Variants in SMARCB1 observed in about 807,000 individuals in gnomAD.
SMARCB1 encodes the protein SWI/SNF related BAF chromatin remodeling complex subunit B1, also known as SWI/SNF-related matrix-associated actin-dependent regulator of chromatin subfamily B member 1.
A neutral mutation model predicts 49.0 loss-of-function variants in SMARCB1; 5 were observed. The ratio of observed to expected loss-of-function variants is 0.10; its 90% confidence interval spans 0.05 to 0.21. The LOEUF (loss-of-function observed/expected upper bound fraction) is 0.21. SMARCB1 is among the 10% of genes least tolerant of loss of function. The pLI is 1.00. For missense variants in SMARCB1, 226 were observed against 509.2 expected (o/e 0.44, Z 5.35); for synonymous variants, 201 against 200.1 (o/e 1.00, Z -0.04).
intron 7 of SMARCB1, among the ~76,000 whole-genome samples, chr22:23,831,941 C>T (rs1047456029): frequency 2.0e-5 from 3 of 152,210 alleles, no homozygotes; most frequent in South Asian, 2.1e-4. Flanking sequence ...CCTGCCTCTG[C>T]GTCACCAGTA....
chr22:23,795,303 T>TAACAGGCTA, intron 3 of SMARCB1, among the ~76,000 whole-genome samples: 1 of 152,068 alleles, frequency 6.6e-6, no homozygotes, highest in East Asian at 1.9e-4. Flanking sequence ...CTGAGTGTGG[T>TAACAGGCTA]GATCACACCA....
At chr22:23,797,291 C>T (rs1345421077) in intron 3 of SMARCB1, among the ~76,000 whole-genome samples, 1 of 144,982 alleles carries the variant, frequency 6.9e-6, no homozygotes, top group Non-Finnish European at 1.5e-5. Context: ...AGCCACCGGG[C>T]CTGGCCTGTT....
At chr22:23,804,947 C>T (rs962359537) in intron 5 of SMARCB1, among the ~76,000 whole-genome samples, 2 of 152,200 alleles carry the variant, frequency 1.3e-5, no homozygotes, top group Admixed American at 1.3e-4. Flanking sequence ...CAGCAGATAA[C>T]GTAGTTGCAG....
In SMARCB1 at chr22:23,822,957, C is replaced by CTTTT. The variant is rs58056758; in HGVS notation, c.796-2230_796-2227dup. Among the ~76,000 whole-genome samples, 136 of 72,762 alleles carry CTTTT rather than the reference C, an allele frequency of 1.9e-3. 29 individuals are homozygous for CTTTT. Among genetic ancestry groups the CTTTT allele is most frequent in the Admixed American group, 2.4e-3 (12 of 4,982 alleles). The allele number at this position is 72,762 out of a possible 152,430, so 47.7% of individuals were successfully genotyped here. A position where few individuals can be genotyped will look rare whatever the true frequency, so the allele number is the denominator to read the frequency against. ...TCTGTCAGTGCCCCCACCAGCATAGCTTTTTTTTTTTTTTTTTTTTTTTTT... is the reference window on the plus strand; with the variant it reads ...TCTGTCAGTGCCCCCACCAGCATAGCTTTTTTTTTTTTTTTTTTTTTTTTTTTTT... On this transcript the variant is annotated intron_variant, in intron 6 of 8. Transcript: ENST00000644036.
At chr22:23,788,421 T>C (rs1928151946) in intron 1 of SMARCB1, among the ~76,000 whole-genome samples, 2 of 152,128 alleles carry the variant, frequency 1.3e-5, no homozygotes, top group South Asian at 4.1e-4. Flanking sequence ...TATTCGTACT[T>C]TATTTTCTTT....
chr22:23,833,740 G>A (rs780821196), intron 8 of SMARCB1, 37 bp downstream of exon 8: 1 of 1,612,522 alleles, frequency 6.2e-7, no homozygotes, highest in Non-Finnish European at 8.5e-7. Context: ...TCTGCCCACA[G>A]GCACCTGGCT....
At chr22:23,810,599 AAAG>A (rs1269846758) in intron 5 of SMARCB1, among the ~76,000 whole-genome samples, 1 of 151,872 alleles carries the variant, frequency 6.6e-6, no homozygotes, top group Non-Finnish European at 1.5e-5. Context: ...GGAAGGAACA[AAAG>A]AAAGCATGAT....
At position 23,791,479 on chromosome 22, in the gene SMARCB1, C is replaced by T. The variant is rs117171366; in HGVS notation, c.94-277C>T. Among the ~76,000 whole-genome samples the T allele has an allele frequency of 2.3e-4, 35 of 152,380 alleles. No individual in the cohort carries two copies. In the East Asian group the frequency reaches 5.2e-3, roughly 23 times the overall value. The stretch of plus-strand genomic sequence containing the variant: ...CCTTAGTCCAAAATCAAAATCACCA[C>T]GAACTTCTTGCTAAGCTCTGGGGGC... On this transcript the variant is annotated intron_variant, in intron 1 of 8. Coordinates refer to ENST00000644036, the MANE Select transcript of SMARCB1 (RefSeq NM_003073.5).
In SMARCB1 at chr22:23,837,302, C is replaced by T. The variant is rs1270705666; in HGVS notation, c.*3122C>T. The T allele has an allele frequency of 9.4e-7, 1 of 1,060,572 alleles. No homozygotes were observed. Among genetic ancestry groups the T allele is most frequent in the Non-Finnish European group, 1.4e-6 (1 of 728,050 alleles). The allele number at this position is 1,060,572 out of a possible 1,614,324, so 65.7% of individuals were successfully genotyped here. ...CAAAGCCTTGCACAGAGTGCCAGCC[C>T]CGGGTTGGCCGTGAAGGACAAGCTT... On this transcript the variant is annotated 3_prime_UTR_variant, in exon 9 of 9. Transcript: ENST00000644036.
Position 23,837,551 on chromosome 22 carries a change from G to A in SMARCB1, c.*3371G>A. 8.6e-7 allele frequency: 1 copy of A among 1,165,878 alleles called. No homozygotes were observed. The highest frequency in any genetic ancestry group is 1.2e-6 in the Non-Finnish European group (1 of 824,058). 72.2% of individuals were successfully genotyped at this position (1,165,878 alleles called of 1,614,324 possible). On this transcript the variant is annotated 3_prime_UTR_variant, in exon 9 of 9. Coordinates refer to ENST00000644036, the MANE Select transcript of SMARCB1 (RefSeq NM_003073.5). ...GGCAGGAAGATGGGGATGGAGCCAG[G>A]TGTGAGGAGAACTCCAGCAAGGATG...
Position 23,827,243 on chromosome 22 carries a change from T to A in SMARCB1, c.986+1828T>A, listed in dbSNP as rs574877665. Reference sequence around the variant, plus strand: ...CCCTACGGTGTTGACCTTCACCTAGTCCTGCAGCCGCTGCCAGTGCCCACA... The same window carrying A: ...CCCTACGGTGTTGACCTTCACCTAGACCTGCAGCCGCTGCCAGTGCCCACA... On this transcript the variant is annotated intron_variant, in intron 7 of 8. Transcript: ENST00000644036. Among the ~76,000 whole-genome samples the A allele has an allele frequency of 2.0e-4, 30 of 152,320 alleles. 1 individual carries two copies. In the South Asian group the frequency reaches 5.6e-3, roughly 28 times the overall value.
At chr22:23,819,457 T>C (rs1386859331) in intron 6 of SMARCB1, among the ~76,000 whole-genome samples, 3 of 152,142 alleles carry the variant, frequency 2.0e-5, no homozygotes, top group African/African-American at 7.2e-5. Flanking sequence ...GCTTCCTGAG[T>C]AGCTGGGATT....
rs2030903737 is a variant in SMARCB1 at position 23,834,785 on chromosome 22, G to GCCTTT, written c.*607_*611dup. On this transcript the variant is annotated 3_prime_UTR_variant, in exon 9 of 9. Transcript: ENST00000644036. ...TGAGGCTCAGGGCAAGAGGCTCTCT[G>GCCTTT]CCTTTCAGGAACAGCCCTAACCCTG... 3.2e-6 allele frequency: 5 copies of GCCTTT among 1,580,842 alleles called. No homozygotes were observed. Among genetic ancestry groups the GCCTTT allele is most frequent in the Non-Finnish European group, 4.3e-6 (5 of 1,165,208 alleles).
chr22:23,816,943 G>A lies in SMARCB1; in HGVS notation c.795+7G>A, dbSNP rs1341204182. 6.2e-7 allele frequency: 1 copy of A among 1,613,146 alleles called. No individual in the cohort carries two copies. The highest frequency in any genetic ancestry group is 1.1e-5 in the South Asian group (1 of 91,080). ...CCAGCGCGTCATCATCAAGGTAGGT[G>A]ACTTCTCACCCAGCACTGGAGCCTT... On this transcript the variant is annotated splice_region_variant and intron_variant, in intron 6 of 8. Transcript: ENST00000644036.
rs183905122 is a variant in SMARCB1 at position 23,809,686 on chromosome 22, T to C, written c.628+6264T>C. Among the ~76,000 whole-genome samples the C allele has an allele frequency of 7.7e-3, 1,153 of 149,928 alleles. 19 individuals carry two copies. The highest frequency in any genetic ancestry group is 0.025 in the African/African-American group (1,027 of 40,736). Reference sequence around the variant, plus strand: ...TTGGCCTCCCAAAGTGCTGGGATTATAGGCATGAGCCACCGCGCCCAGCCG... The same window carrying C: ...TTGGCCTCCCAAAGTGCTGGGATTACAGGCATGAGCCACCGCGCCCAGCCG... On this transcript the variant is annotated intron_variant, in intron 5 of 8. Coordinates refer to ENST00000644036, the MANE Select transcript of SMARCB1 (RefSeq NM_003073.5).
intron 4 of SMARCB1, 130 bp downstream of exon 4, chr22:23,801,211 C>G (rs1929134228): frequency 7.7e-7 from 1 of 1,293,654 alleles, no homozygotes; most frequent in Non-Finnish European, 1.1e-6. Flanking sequence ...ACAGTACCTC[C>G]TCGCCTTTGA....
chr22:23,812,673 T>C (rs1435280460), intron 5 of SMARCB1, among the ~76,000 whole-genome samples: 4 of 152,134 alleles, frequency 2.6e-5, no homozygotes, highest in African/African-American at 9.7e-5. Context: ...GGGTCAATAT[T>C]TGAAGCTCAA....
At chr22:23,830,520 A>G (rs1316997578) in intron 7 of SMARCB1, among the ~76,000 whole-genome samples, 1 of 152,178 alleles carries the variant, frequency 6.6e-6, no homozygotes, top group Non-Finnish European at 1.5e-5. Context: ...TATATTCTAC[A>G]TAGAAGTCCC....
chr22:23,829,180 T>C (rs1191456756), intron 7 of SMARCB1, among the ~76,000 whole-genome samples: 4 of 152,144 alleles, frequency 2.6e-5, no homozygotes, highest in African/African-American at 9.7e-5. Flanking sequence ...GAGGAGACAG[T>C]GCCCTGTCTG....
Sources: allele counts gnomAD v4.1 joint callset (sites outside exome capture counted in the v4.1 genomes callset), GRCh38; gene constraint gnomAD v4.1.1; transcripts MANE v1.5; gene names NCBI Gene and HGNC (gene_info 2026-07-23, HGNC 2026-07-21).